FAM168A: variants seen among roughly 807,000 people sequenced by gnomAD.
FAM168A encodes protein FAM168A.
In FAM168A, 3 loss-of-function variants were observed where a neutral mutation model predicts 28.5. The observed-to-expected ratio is 0.11, with a 90% CI of 0.05 to 0.27. The LOEUF (loss-of-function observed/expected upper bound fraction) is 0.27, where lower values mean the gene tolerates loss of function less well. FAM168A is among the 10% of genes least tolerant of loss of function. The probability of loss-of-function intolerance (pLI) is 1.00; values close to 1 mark genes in which losing one functional copy is unlikely to be tolerated. For synonymous variants in FAM168A, 122 were observed against 124.2 expected, an observed-to-expected ratio of 0.98 and a Z score of 0.12; for missense variants, 222 against 311.5, an observed-to-expected ratio of 0.71 and a Z score of 2.16.
intron 4 of FAM168A, among the ~76,000 whole-genome samples, chr11:73,413,270 ATAGTTTTTT>A (rs1295976220): frequency 6.6e-6 from 1 of 152,212 alleles, no homozygotes; most frequent in African/African-American, 2.4e-5. Flanking sequence ...CTGCAGATCC[ATAGTTTTTT>A]CCATAGTTTT....
At chr11:73,532,552 T>G (rs959018036) in intron 1 of FAM168A, among the ~76,000 whole-genome samples, 1 of 152,222 alleles carries the variant, frequency 6.6e-6, no homozygotes, top group African/African-American at 2.4e-5. Context: ...AATGCAACTG[T>G]ATATCTTTAG....
chr11:73,446,074 G>A (rs1053978755), intron 2 of FAM168A, among the ~76,000 whole-genome samples: 3 of 152,168 alleles, frequency 2.0e-5, no homozygotes, highest in African/African-American at 7.2e-5. Flanking sequence ...GGTATCAGCA[G>A]AACTTTCTTT....
At chr11:73,455,282 G>A (rs758954874) in intron 2 of FAM168A, among the ~76,000 whole-genome samples, 11 of 152,348 alleles carry the variant, frequency 7.2e-5, no homozygotes, top group Non-Finnish European at 1.3e-4. Flanking sequence ...GTTCCTGCCA[G>A]CGCCCAAAAG....
chr11:73,452,374 A>G (rs1242847294), intron 2 of FAM168A: 5 of 152,510 alleles, frequency 3.3e-5, no homozygotes, highest in African/African-American at 1.2e-4. Context: ...GAGGAAGAGG[A>G]GGGAGCTGAG....
At chr11:73,487,840 A>G (rs569566426) in intron 1 of FAM168A, among the ~76,000 whole-genome samples, 3 of 152,218 alleles carry the variant, frequency 2.0e-5, no homozygotes, top group African/African-American at 7.2e-5. Flanking sequence ...AGGACATTCA[A>G]TCTACTAATT....
intron 1 of FAM168A, among the ~76,000 whole-genome samples, chr11:73,579,821 A>G (rs985911650): frequency 1.3e-5 from 2 of 152,224 alleles, no homozygotes; most frequent in Admixed American, 1.3e-4. Flanking sequence ...CTTGGATGCA[A>G]GCATAAGTCT....
chr11:73,584,720 G>A (rs749854646), intron 1 of FAM168A, among the ~76,000 whole-genome samples: 12 of 150,456 alleles, frequency 8.0e-5, no homozygotes, highest in Admixed American at 5.9e-4. Flanking sequence ...CTCGTGATCC[G>A]CCCGCCTCAG....
At chr11:73,506,337 A>G (rs1189258212) in intron 1 of FAM168A, among the ~76,000 whole-genome samples, 1 of 152,142 alleles carries the variant, frequency 6.6e-6, no homozygotes, top group Admixed American at 6.5e-5. Flanking sequence ...AGAAATAAGA[A>G]GAAAGGAGCT....
intron 2 of FAM168A, among the ~76,000 whole-genome samples, chr11:73,447,743 CA>C (rs1867348144): frequency 2.6e-5 from 4 of 151,562 alleles, no homozygotes; most frequent in African/African-American, 2.4e-5. Flanking sequence ...CCTCTCTAAT[CA>C]CCAAGCCTTG....
intron 3 of FAM168A, among the ~76,000 whole-genome samples, chr11:73,421,821 G>T (rs183092729): frequency 2.0e-5 from 3 of 152,316 alleles, no homozygotes; most frequent in African/African-American, 7.2e-5. Context: ...ATGCCATTAG[G>T]GGGCAGGAGG....
At chr11:73,450,659 C>G (rs1009504479) in intron 2 of FAM168A, among the ~76,000 whole-genome samples, 2 of 146,338 alleles carry the variant, frequency 1.4e-5, no homozygotes, top group Admixed American at 6.9e-5. Context: ...AAACGACCCC[C>G]CTTCTCCACT....
At chr11:73,515,922 G>A (rs1032180584) in intron 1 of FAM168A, among the ~76,000 whole-genome samples, 2 of 151,998 alleles carry the variant, frequency 1.3e-5, no homozygotes, top group Non-Finnish European at 2.9e-5. Flanking sequence ...CCAACGTGGT[G>A]AAACCCCGTC....
Position 73,409,547 on chromosome 11 carries a change from G to T in FAM168A, c.535C>A (p.Pro179Thr). The change falls in exon 6 of 8, where the codon CCG (proline) becomes ACG (threonine). Residue 179 changes from proline (P) to threonine (T), a missense_variant. Coordinates refer to ENST00000356467, the MANE Select transcript of FAM168A (RefSeq NM_015159.3). ...CCCATGGCCACACCGTTGGTCCTCGGGGCGGCAACAGGTGCTGGGTAGATA... is the reference window on the plus strand; with the variant it reads ...CCCATGGCCACACCGTTGGTCCTCGTGGCGGCAACAGGTGCTGGGTAGATA... ...SAIYPAPVAA[P>T]RTNGVAMGMV... The T allele has an allele frequency of 6.2e-7, 1 of 1,614,030 alleles. No individual in the cohort carries two copies. The highest frequency in any genetic ancestry group is 1.1e-5 in the South Asian group (1 of 91,024).
At chr11:73,419,800 C>G in intron 4 of FAM168A, 74 bp downstream of exon 4, 1 of 1,558,558 alleles carries the variant, frequency 6.4e-7, no homozygotes, top group Non-Finnish European at 8.7e-7. Flanking sequence ...TTAAAAAGCT[C>G]CCTTTCCTTT....
At chr11:73,480,398 T>C (rs1219961938) in intron 1 of FAM168A, among the ~76,000 whole-genome samples, 1 of 148,954 alleles carries the variant, frequency 6.7e-6, no homozygotes, top group Non-Finnish European at 1.5e-5. Context: ...CTCTCTCTCT[T>C]TTTTTTTTTA....
In FAM168A at chr11:73,403,864, C is replaced by T. The variant is rs965340654; in HGVS notation, c.*2899G>A. On this transcript the variant is annotated 3_prime_UTR_variant, in exon 8 of 8. Coordinates refer to ENST00000356467, the MANE Select transcript of FAM168A (RefSeq NM_015159.3). ...CAGCCTTTCAGTGCCTTATTTTCAC[C>T]TTGGGGCCCCCCTTTGCTCTTGAAT... The T allele has an allele frequency of 1.2e-4, 18 of 152,224 alleles. No individual in the cohort carries two copies. The highest frequency in any genetic ancestry group is 4.1e-4 in the African/African-American group (17 of 41,460). The allele number at this position is 152,224 out of a possible 1,614,324, so 9.4% of individuals were successfully genotyped here. A position where few individuals can be genotyped will look rare whatever the true frequency, so the allele number is the denominator to read the frequency against.
intron 2 of FAM168A, among the ~76,000 whole-genome samples, chr11:73,453,030 T>C (rs1209975661): frequency 6.6e-6 from 1 of 152,234 alleles, no homozygotes; most frequent in East Asian, 1.9e-4. Flanking sequence ...GCAAAATCCT[T>C]ATGAATTCTG....
At chr11:73,495,754 C>CA (rs369155573) in intron 1 of FAM168A, among the ~76,000 whole-genome samples, 20 of 151,838 alleles carry the variant, frequency 1.3e-4, no homozygotes, top group Admixed American at 3.3e-4. Flanking sequence ...TGACTATTAT[C>CA]AAAAAAACAG....
chr11:73,484,584 C>CTATATATCTATA (rs1364442869), intron 1 of FAM168A, among the ~76,000 whole-genome samples: 2 of 65,514 alleles, frequency 3.1e-5, no homozygotes, highest in Non-Finnish European at 3.6e-5. Context: ...ATATCGATAT[C>CTATATATCTATA]TATCTATATA....
Sources: gnomAD v4.1 joint callset for allele counts (sites outside exome capture counted in the v4.1 genomes callset) on GRCh38, gnomAD v4.1.1 for gene constraint, MANE v1.5 for transcripts, NCBI Gene and HGNC (gene_info 2026-07-23, HGNC 2026-07-21) for gene names.